The following CAPS2 variants were observed in gnomAD, a reference collection of about 807,000 sequenced individuals.
The protein encoded by CAPS2 is calcyphosine 2.
In CAPS2, 98 loss-of-function variants were observed where a neutral mutation model predicts 86.5. That is an observed-to-expected ratio of 1.13 (90% confidence interval 0.96 to 1.34). The LOEUF (loss-of-function observed/expected upper bound fraction) is 1.34, where lower values mean the gene tolerates loss of function less well. Among genes scored for constraint, CAPS2 ranks in the 40% most tolerant of loss-of-function variants. CAPS2 has a pLI of 0.00. For synonymous variants in CAPS2, 210 were observed against 225.1 expected, an observed-to-expected ratio of 0.93 and a Z score of 0.60; for missense variants, 729 against 686.8, an observed-to-expected ratio of 1.06 and a Z score of -0.69.
chr12:75,326,347 A>G lies in CAPS2; in HGVS notation c.81+71T>C, dbSNP rs1593558415. On this transcript the variant is annotated intron_variant, in intron 1 of 16. Coordinates refer to ENST00000393284, the Ensembl canonical transcript of CAPS2. ...ATCTGTGAATATAAGTAGTCATAAAACATGAAGAAAAGGTAAAAAAATTAT... is the reference window on the plus strand; with the variant it reads ...ATCTGTGAATATAAGTAGTCATAAAGCATGAAGAAAAGGTAAAAAAATTAT... 3 of 612,412 alleles carry G rather than the reference A, an allele frequency of 4.9e-6. No homozygotes were observed. The East Asian group carries it at 8.3e-5, about 17-fold the overall frequency. The allele number at this position is 612,412 out of a possible 1,614,324, so 37.9% of individuals were successfully genotyped here.
chr12:75,300,964 T>C lies in CAPS2; in HGVS notation c.780-1053A>G, dbSNP rs565907911. ...ATTCCTTACCAGAATAACTAAAGAG[T>C]GGGGAAGAGTGCTGAATGAAGTTCG... is the stretch of plus-strand genomic sequence containing the variant. On this transcript the variant is annotated intron_variant, in intron 8 of 16. Coordinates refer to ENST00000393284, the Ensembl canonical transcript of CAPS2. Among the ~76,000 whole-genome samples the C allele has an allele frequency of 2.4e-3, 372 of 152,024 alleles. 2 individuals carry two copies. The highest frequency in any genetic ancestry group is 4.3e-3 in the Non-Finnish European group (289 of 67,966).
At chr12:75,313,952 C>T (rs546292577) in intron 6 of CAPS2, among the ~76,000 whole-genome samples, 1 of 152,276 alleles carries the variant, frequency 6.6e-6, no homozygotes, top group Non-Finnish European at 1.5e-5. Flanking sequence ...CAGGCTCTTG[C>T]TATGTTGCCC....
intron 5 of CAPS2, among the ~76,000 whole-genome samples, chr12:75,321,015 A>G (rs1593518712): frequency 1.3e-5 from 2 of 152,190 alleles, no homozygotes; most frequent in Middle Eastern, 3.4e-3. Context: ...GGATCACCAT[A>G]AAGTCTCAAA....
At chr12:75,325,328 T>C in intron 1 of CAPS2, 40 bp from the exon 3 acceptor site, 1 of 1,334,334 alleles carries the variant, frequency 7.5e-7, no homozygotes, top group Non-Finnish European at 1.0e-6. Flanking sequence ...AGTATAAATA[T>C]GAATATACCC....
At chr12:75,318,766 A>AT (rs142733367) in intron 5 of CAPS2, among the ~76,000 whole-genome samples, 6,326 of 150,298 alleles carry the variant, frequency 0.042, 152 homozygotes, top group East Asian at 0.052. Context: ...CCATTGATTG[A>AT]TTTTTTTTTT....
chr12:75,318,047 G>C (rs2039948458), intron 5 of CAPS2: 2 of 151,962 alleles, frequency 1.3e-5, no homozygotes, highest in Middle Eastern at 3.4e-3. Context: ...CTGCTTCTGT[G>C]GGTTCAACTA....
At chr12:75,322,118 T>C (rs2040360186) in intron 4 of CAPS2, among the ~76,000 whole-genome samples, 1 of 152,182 alleles carries the variant, frequency 6.6e-6, no homozygotes, top group Admixed American at 6.6e-5. Flanking sequence ...ATAAAAGTTT[T>C]ACTTAAAAAA....
chr12:75,278,615 A>C, exon 17 of CAPS2: 1 of 1,099,810 alleles, frequency 9.1e-7, no homozygotes, highest in Middle Eastern at 3.9e-4. Context: ...ACGCAAGATA[A>C]GTAATAAACC....
chr12:75,319,874 C>T (rs2040132826), intron 5 of CAPS2, among the ~76,000 whole-genome samples: 1 of 152,096 alleles, frequency 6.6e-6, no homozygotes, highest in Non-Finnish European at 1.5e-5. Flanking sequence ...GTAATTGTAA[C>T]AGAATTTACT....
At chr12:75,375,208 G>A (rs1259263843) in intron 1 of CAPS2, among the ~76,000 whole-genome samples, 1 of 152,120 alleles carries the variant, frequency 6.6e-6, no homozygotes, top group East Asian at 1.9e-4. Flanking sequence ...TACGCATTCT[G>A]GCACTGGGAA....
At chr12:75,282,914 C>G (rs894415473) in intron 15 of CAPS2, among the ~76,000 whole-genome samples, 1 of 152,048 alleles carries the variant, frequency 6.6e-6, no homozygotes, top group African/African-American at 2.4e-5. Context: ...GAGAAAGTAA[C>G]CTGACCTCTA....
chr12:75,314,930 A>C (rs555435129), intron 6 of CAPS2, among the ~76,000 whole-genome samples: 21 of 152,270 alleles, frequency 1.4e-4, no homozygotes, highest in Admixed American at 1.2e-3. Flanking sequence ...ACACTACAAA[A>C]TGACAAAGGA....
At chr12:75,330,393 G>A (rs1187647081), upstream of CAPS2, among the ~76,000 whole-genome samples, 1 of 152,232 alleles carries the variant, frequency 6.6e-6, no homozygotes, top group Non-Finnish European at 1.5e-5. Context: ...TCCTGAGCAG[G>A]GAAAGGGCCA....
chr12:75,286,644 A>G (rs2034923178), intron 14 of CAPS2, among the ~76,000 whole-genome samples: 2 of 152,048 alleles, frequency 1.3e-5, no homozygotes, highest in South Asian at 2.1e-4. Context: ...TTTAGGGTAC[A>G]TATCAATTTT....
chr12:75,339,537 A>C (rs1300286994), intron 1 of CAPS2, among the ~76,000 whole-genome samples: 1 of 152,104 alleles, frequency 6.6e-6, no homozygotes, highest in East Asian at 1.9e-4. Context: ...ACCATTCTGT[A>C]GGTTGTCTGT....
upstream of CAPS2, among the ~76,000 whole-genome samples, chr12:75,332,298 T>C (rs1486692511): frequency 1.3e-5 from 2 of 152,232 alleles, no homozygotes; most frequent in Non-Finnish European, 2.9e-5. Context: ...TTTACTGTTT[T>C]GCAGTTCCAA....
At chr12:75,320,812 T>C (rs1222451040) in intron 5 of CAPS2, among the ~76,000 whole-genome samples, 1 of 151,978 alleles carries the variant, frequency 6.6e-6, no homozygotes, top group Non-Finnish European at 1.5e-5. Flanking sequence ...AAAATCAAGA[T>C]TGACTTTTTC....
chr12:75,374,228 C>A (rs1566027155), intron 1 of CAPS2, among the ~76,000 whole-genome samples: 1 of 152,154 alleles, frequency 6.6e-6, no homozygotes, highest in African/African-American at 2.4e-5. Context: ...TGCACAGCAG[C>A]CTGGACCTGT....
intron 7 of CAPS2, among the ~76,000 whole-genome samples, chr12:75,312,443 G>A (rs1388540280): frequency 6.6e-6 from 1 of 152,126 alleles, no homozygotes; most frequent in African/African-American, 2.4e-5. Flanking sequence ...AAATCAATAT[G>A]GAATATAAAG....
Sources: gnomAD v4.1 joint callset for allele counts (sites outside exome capture counted in the v4.1 genomes callset) on GRCh38, gnomAD v4.1.1 for gene constraint, MANE v1.5 for transcripts, NCBI Gene and HGNC (gene_info 2026-07-23, HGNC 2026-07-21) for gene names.